RERE: variants seen among roughly 807,000 people sequenced by gnomAD.
RERE encodes the protein arginine-glutamic acid dipeptide repeats protein.
Under a neutral mutation model 146.1 loss-of-function variants are expected in RERE, and 40 were observed. The ratio of observed to expected loss-of-function variants is 0.27; its 90% CI spans 0.21 to 0.36. The LOEUF (loss-of-function observed/expected upper bound fraction) is 0.36. Ranked by LOEUF, RERE falls within the 10% of genes least tolerant of loss-of-function variation. The probability of loss-of-function intolerance (pLI) is 1.00; values close to 1 mark genes in which losing one functional copy is unlikely to be tolerated. For synonymous variants in RERE, 1,003 were observed against 866.0 expected (o/e 1.16, Z -2.78); for missense variants, 1,933 against 2,138.7 (o/e 0.90, Z 1.90).
At chr1:8,476,550 T>G (rs1396230374) in intron 10 of RERE, among the ~76,000 whole-genome samples, 1 of 152,170 alleles carries the variant, frequency 6.6e-6, no homozygotes, top group Non-Finnish European at 1.5e-5. Flanking sequence ...TCCCCATCCA[T>G]GAAAACACTC....
intron 10 of RERE, among the ~76,000 whole-genome samples, chr1:8,468,384 A>G (rs1644632349): frequency 6.6e-6 from 1 of 152,362 alleles, no homozygotes; most frequent in Admixed American, 6.5e-5. Context: ...GTCAAGTTCT[A>G]TAACACAATG....
chr1:8,378,192 C>A (rs903575767), intron 12 of RERE, among the ~76,000 whole-genome samples: 2 of 152,204 alleles, frequency 1.3e-5, no homozygotes, highest in South Asian at 2.1e-4. Context: ...CAGTACCGTA[C>A]CCTCTTCAAG....
At position 8,364,044 on chromosome 1, in the gene RERE, C is replaced by T. The variant is rs1641702757; in HGVS notation, c.1740+12G>A. On this transcript the variant is annotated intron_variant, in intron 15 of 22. Transcript: ENST00000400908. This position sits in a 1 kb window ranked among gnomAD's most constrained non-coding sequence, Gnocchi z 5.1. ...GAAGTTGCCAGGAGCCCCATGGCCC[C>T]AGGGGACTCACCGAGCCCCGACTCC... 1 of 1,612,882 alleles carries T rather than the reference C, an allele frequency of 6.2e-7. No homozygotes were observed. Among genetic ancestry groups the T allele is most frequent in the Non-Finnish European group, 8.5e-7 (1 of 1,179,134 alleles).
At chr1:8,398,968 T>C (rs1168109607) in intron 12 of RERE, among the ~76,000 whole-genome samples, 1 of 152,176 alleles carries the variant, frequency 6.6e-6, no homozygotes, top group African/African-American at 2.4e-5. Flanking sequence ...TGAAGTAATA[T>C]GTGTATTTTA....
chr1:8,783,001 C>T (rs2124562645), intron 1 of RERE, among the ~76,000 whole-genome samples: 1 of 152,280 alleles, frequency 6.6e-6, no homozygotes, highest in Non-Finnish European at 1.5e-5. Flanking sequence ...ACCTTGGAAT[C>T]ATCCTTGACT....
chr1:8,551,656 C>T (rs1557683262), intron 6 of RERE, among the ~76,000 whole-genome samples: 1 of 152,172 alleles, frequency 6.6e-6, no homozygotes, highest in East Asian at 1.9e-4. Flanking sequence ...GTGTACTACA[C>T]ATGTTACTAG....
intron 1 of RERE, among the ~76,000 whole-genome samples, chr1:8,811,007 C>T (rs1056029407): frequency 6.6e-6 from 1 of 152,168 alleles, no homozygotes. Flanking sequence ...TAACTGACTA[C>T]GAGTTATGAC....
chr1:8,558,985 A>C (rs1008023468), intron 4 of RERE, among the ~76,000 whole-genome samples: 1 of 151,302 alleles, frequency 6.6e-6, no homozygotes, highest in African/African-American at 2.4e-5. Flanking sequence ...TAGTAGAGAC[A>C]TGTTTTGACA....
chr1:8,358,966 C>G, intron 19 of RERE, 50 bp from the exon 20 acceptor site: 1 of 1,495,952 alleles, frequency 6.7e-7, no homozygotes, highest in Non-Finnish European at 8.8e-7. Context: ...CCTGGGGTCT[C>G]CGCTTGGTCC....
chr1:8,670,476 C>A (rs947834551), intron 1 of RERE, among the ~76,000 whole-genome samples: 3 of 152,020 alleles, frequency 2.0e-5, no homozygotes, highest in Middle Eastern at 3.2e-3. Flanking sequence ...AGACAATAAA[C>A]AAACAAGTAG....
At chr1:8,599,804 C>CTGAGCCTTTTTA (rs1646599951) in intron 4 of RERE, among the ~76,000 whole-genome samples, 1 of 152,222 alleles carries the variant, frequency 6.6e-6, no homozygotes, top group Non-Finnish European at 1.5e-5. Flanking sequence ...TCAGTGACAA[C>CTGAGCCTTTTTA]ATCAGAGAAT....
At chr1:8,686,401 C>A (rs1639087431) in intron 1 of RERE, among the ~76,000 whole-genome samples, 1 of 152,174 alleles carries the variant, frequency 6.6e-6, no homozygotes, top group Admixed American at 6.5e-5. Context: ...AGTCAAAATT[C>A]TCTGTCATTC....
At chr1:8,436,944 C>A (rs74049638) in intron 11 of RERE, among the ~76,000 whole-genome samples, 2 of 152,150 alleles carry the variant, frequency 1.3e-5, no homozygotes, top group Non-Finnish European at 2.9e-5. Context: ...CTAGAATAAT[C>A]CTAACTTCTT....
intron 9 of RERE, among the ~76,000 whole-genome samples, 174 bp from the exon 10 acceptor site, chr1:8,495,336 A>G (rs1645032179): frequency 6.8e-6 from 1 of 147,354 alleles, no homozygotes; most frequent in African/African-American, 2.5e-5. Flanking sequence ...TTCTTTTGAG[A>G]TGGAGTCTCA....
intron 1 of RERE, among the ~76,000 whole-genome samples, chr1:8,769,427 G>A (rs1434508306): frequency 6.6e-6 from 1 of 152,084 alleles, no homozygotes; most frequent in Non-Finnish European, 1.5e-5. Flanking sequence ...ACTGAATTCC[G>A]AACCATTTTT....
intron 11 of RERE, among the ~76,000 whole-genome samples, chr1:8,429,024 T>C (rs1195287463): frequency 1.3e-5 from 2 of 152,124 alleles, no homozygotes; most frequent in Admixed American, 6.5e-5. Flanking sequence ...ACAAACGGCA[T>C]TGATTTTTAC....
intron 7 of RERE, among the ~76,000 whole-genome samples, chr1:8,515,375 A>T (rs1457872715): frequency 2.0e-5 from 3 of 151,530 alleles, no homozygotes; most frequent in Non-Finnish European, 2.9e-5. Flanking sequence ...AAAAACAAAC[A>T]GGCCGGGCGT....
chr1:8,500,818 C>G (rs1346125539), intron 8 of RERE, among the ~76,000 whole-genome samples: 46 of 151,598 alleles, frequency 3.0e-4, no homozygotes, highest in African/African-American at 1.1e-3. Flanking sequence ...GCCTCTGCCC[C>G]GCCGCCCTGT....
chr1:8,816,595 T>C (rs957044639), intron 1 of RERE, among the ~76,000 whole-genome samples: 3 of 152,046 alleles, frequency 2.0e-5, no homozygotes, highest in African/African-American at 4.8e-5. Flanking sequence ...TCTTAAAAAT[T>C]AGTAATAAAT....
Sources: allele counts gnomAD v4.1 joint callset (sites outside exome capture counted in the v4.1 genomes callset), GRCh38; gene constraint gnomAD v4.1.1; non-coding constraint Gnocchi (gnomAD v3.1); transcripts MANE v1.5; gene names NCBI Gene and HGNC (gene_info 2026-07-23, HGNC 2026-07-21).